The following FRMD5 variants were observed in gnomAD, a reference collection of about 807,000 sequenced individuals.
FRMD5 encodes the protein FERM domain containing 5.
Under a neutral mutation model 69.0 loss-of-function variants are expected in FRMD5, and 20 were observed. That is an observed-to-expected ratio of 0.29 (90% confidence interval 0.20 to 0.42). FRMD5 has a LOEUF of 0.42. FRMD5 is among the 10% of genes least tolerant of loss of function. The pLI, the probability that FRMD5 is intolerant of heterozygous loss-of-function variation, is 1.00. For synonymous variants in FRMD5, 271 were observed against 260.1 expected (o/e 1.04, Z -0.40); for missense variants, 595 against 708.6 (o/e 0.84, Z 1.82).
In FRMD5 at chr15:43,902,689, CA is replaced by C. The variant is rs5812254; in HGVS notation, c.552-428del. ...TGAGTGACAGAATGAGACCCTGTCT[CA>C]AAAAAAAAAAAAAAAGAATGCAAGG... On this transcript the variant is annotated intron_variant, in intron 6 of 13. Coordinates refer to ENST00000417257, the MANE Select transcript of FRMD5 (RefSeq NM_032892.5). Among the ~76,000 whole-genome samples, 485 of 112,722 alleles carry C rather than the reference CA, an allele frequency of 4.3e-3. 1 individual carries two copies. The highest frequency in any genetic ancestry group is 0.016 in the East Asian group (59 of 3,614). The allele number at this position is 112,722 out of a possible 152,430, so 74.0% of individuals were successfully genotyped here.
intron 1 of FRMD5, among the ~76,000 whole-genome samples, chr15:44,024,597 TC>T (rs144628902): frequency 0.013 from 2,053 of 152,322 alleles, 46 homozygotes; most frequent in African/African-American, 0.046. Context: ...TAAGTAAACT[TC>T]CTGTTCATTT....
chr15:44,098,900 A>G (rs1449296373), intron 1 of FRMD5, among the ~76,000 whole-genome samples: 1 of 152,246 alleles, frequency 6.6e-6, no homozygotes, highest in Admixed American at 6.5e-5. Context: ...TGCTACTTAT[A>G]TAAAGATAAT....
intron 1 of FRMD5, among the ~76,000 whole-genome samples, chr15:43,942,533 A>C (rs530928685): frequency 6.6e-6 from 1 of 152,318 alleles, no homozygotes; most frequent in South Asian, 2.1e-4. Context: ...CTTCTCCCAA[A>C]AAATGCATTT....
At chr15:43,900,221 G>A (rs1439578072) in intron 7 of FRMD5, among the ~76,000 whole-genome samples, 4 of 152,156 alleles carry the variant, frequency 2.6e-5, no homozygotes, top group Non-Finnish European at 5.9e-5. Flanking sequence ...GATGGGAACC[G>A]GAGCCCAGGG....
chr15:44,167,447 C>T (rs2077728979), intron 1 of FRMD5, among the ~76,000 whole-genome samples: 1 of 152,270 alleles, frequency 6.6e-6, no homozygotes, highest in South Asian at 2.1e-4. Context: ...AATACTCTCT[C>T]TGCCCTAGAC....
In FRMD5 at chr15:43,936,022, A is replaced by G. The variant is rs142307604; in HGVS notation, c.103-11713T>C. Reference sequence around the variant, plus strand: ...GAAAAGCCATCTTTTCTCTGATCTCATGATATGCACTGCCTGTACTGCTTA... The same window carrying G: ...GAAAAGCCATCTTTTCTCTGATCTCGTGATATGCACTGCCTGTACTGCTTA... On this transcript the variant is annotated intron_variant, in intron 1 of 13. Coordinates refer to ENST00000417257, the MANE Select transcript of FRMD5 (RefSeq NM_032892.5). Among the ~76,000 whole-genome samples the G allele has an allele frequency of 2.8e-4, 42 of 152,280 alleles. 1 individual carries two copies. The highest frequency in any genetic ancestry group is 9.9e-4 in the African/African-American group (41 of 41,560).
intron 1 of FRMD5, among the ~76,000 whole-genome samples, chr15:44,112,263 T>C (rs2076807765): frequency 6.6e-6 from 1 of 152,258 alleles, no homozygotes; most frequent in African/African-American, 2.4e-5. Context: ...AGTGAACTTA[T>C]ACTAGAAGTT....
chr15:43,876,079 C>T (rs2088347134), intron 13 of FRMD5: 2 of 1,307,814 alleles, frequency 1.5e-6, no homozygotes, highest in Admixed American at 1.7e-5. Context: ...TTTAACTTTT[C>T]CATGGCTTCC....
intron 1 of FRMD5, among the ~76,000 whole-genome samples, chr15:44,022,442 C>T (rs1259109850): frequency 6.6e-6 from 1 of 150,864 alleles, no homozygotes; most frequent in Non-Finnish European, 1.5e-5. Flanking sequence ...GGCGTGGTGG[C>T]ATGTACCTGT....
intron 7 of FRMD5, among the ~76,000 whole-genome samples, chr15:43,899,479 G>C (rs1567218602): frequency 6.6e-6 from 1 of 152,116 alleles, no homozygotes; most frequent in East Asian, 1.9e-4. Flanking sequence ...TTGCTCTACC[G>C]CTGAGGGCTT....
At chr15:43,990,634 G>T (rs1212552764) in intron 1 of FRMD5, among the ~76,000 whole-genome samples, 2 of 152,188 alleles carry the variant, frequency 1.3e-5, no homozygotes, top group East Asian at 3.8e-4. Flanking sequence ...TTAGGAACAC[G>T]AGGTGAGTTT....
intron 1 of FRMD5, among the ~76,000 whole-genome samples, chr15:44,108,582 T>C (rs1383856166): frequency 1.3e-5 from 2 of 152,060 alleles, no homozygotes; most frequent in Non-Finnish European, 2.9e-5. Flanking sequence ...GAGGCAGAGT[T>C]TGTAGTGAGC....
intron 1 of FRMD5, among the ~76,000 whole-genome samples, chr15:44,155,256 AC>A (rs1000725530): frequency 1.3e-5 from 2 of 151,796 alleles, no homozygotes; most frequent in Non-Finnish European, 1.5e-5. Context: ...ACACGGTGAA[AC>A]CCCGTCTCTA....
chr15:44,182,608 A>G (rs1018796184), intron 1 of FRMD5, among the ~76,000 whole-genome samples: 6 of 151,268 alleles, frequency 4.0e-5, no homozygotes, highest in South Asian at 2.1e-4. Flanking sequence ...TTACAGGTGT[A>G]AGCCACCGCA....
At chr15:44,154,397 T>A (rs1161866818) in intron 1 of FRMD5, among the ~76,000 whole-genome samples, 1 of 152,158 alleles carries the variant, frequency 6.6e-6, no homozygotes, top group African/African-American at 2.4e-5. Flanking sequence ...ACACAAGTTT[T>A]TAGTTTTTCC....
intron 1 of FRMD5, among the ~76,000 whole-genome samples, chr15:44,012,353 T>C (rs148067313): frequency 1.1e-3 from 160 of 152,328 alleles, no homozygotes; most frequent in Non-Finnish European, 2.0e-3. Flanking sequence ...TTTTGACACA[T>C]CTAGGCTTTG....
chr15:44,098,125 AAAACT>A (rs1171418495), intron 1 of FRMD5, among the ~76,000 whole-genome samples: 1 of 151,666 alleles, frequency 6.6e-6, no homozygotes, highest in African/African-American at 2.4e-5. Flanking sequence ...CAAAAAAAAA[AAAACT>A]AAACAACAAC....
At chr15:43,982,137 C>T (rs1011433208) in intron 1 of FRMD5, among the ~76,000 whole-genome samples, 3 of 152,172 alleles carry the variant, frequency 2.0e-5, no homozygotes, top group Admixed American at 6.5e-5. Flanking sequence ...TGACATCCTT[C>T]CATACAGTTC....
At chr15:44,172,905 A>G (rs777164175) in intron 1 of FRMD5, among the ~76,000 whole-genome samples, 5 of 152,216 alleles carry the variant, frequency 3.3e-5, no homozygotes, top group Non-Finnish European at 5.9e-5. Flanking sequence ...AGATACTTCC[A>G]TTTCACCAAC....
Sources: gnomAD v4.1 joint callset for allele counts (sites outside exome capture counted in the v4.1 genomes callset) on GRCh38, gnomAD v4.1.1 for gene constraint, MANE v1.5 for transcripts, NCBI Gene and HGNC (gene_info 2026-07-23, HGNC 2026-07-21) for gene names.